Variants in CCNYL1 observed in about 807,000 individuals in gnomAD.
The protein encoded by CCNYL1 is cyclin Y like 1.
In CCNYL1, 16 loss-of-function variants were observed where a neutral mutation model predicts 44.2. The observed-to-expected ratio is 0.36, with a 90% CI of 0.25 to 0.55. The LOEUF (loss-of-function observed/expected upper bound fraction) is 0.55. CCNYL1 is among the 20% of genes least tolerant of loss of function. The pLI, the probability that CCNYL1 is intolerant of heterozygous loss-of-function variation, is 0.85. For synonymous variants in CCNYL1, 159 were observed against 163.2 expected, an observed-to-expected ratio of 0.97 and a Z score of 0.20; for missense variants, 348 against 451.8, an observed-to-expected ratio of 0.77 and a Z score of 2.08.
intron 1 of CCNYL1, among the ~76,000 whole-genome samples, chr2:207,718,269 G>C (rs192102518): frequency 1.2e-4 from 18 of 152,278 alleles, no homozygotes; most frequent in Admixed American, 3.3e-4. Context: ...AGCAGTTTGG[G>C]AAGCAGAGGC....
intron 1 of CCNYL1, chr2:207,714,444 G>A: frequency 2.6e-6 from 1 of 378,690 alleles, no homozygotes; most frequent in Non-Finnish European, 5.1e-6. Context: ...CCACGGGCGT[G>A]TGCCATCTTG....
intron 3 of CCNYL1, among the ~76,000 whole-genome samples, chr2:207,729,654 C>G (rs1206687754): frequency 6.6e-6 from 1 of 151,792 alleles, no homozygotes; most frequent in East Asian, 1.9e-4. Flanking sequence ...TTTTTATCTC[C>G]TTTCCTTTCC....
At position 207,734,603 on chromosome 2, in the gene CCNYL1, A is replaced by G. The variant is rs565528359; in HGVS notation, c.431+556A>G. On this transcript the variant is annotated intron_variant, in intron 4 of 9. Coordinates refer to ENST00000295414, the MANE Select transcript of CCNYL1 (RefSeq NM_001330218.2). ...ACCAACAACAACAGCAAACAACTCC[A>G]TTGGGGTTGTCAGGAAACTATTAAC... Among the ~76,000 whole-genome samples the G allele has an allele frequency of 1.4e-4, 22 of 152,334 alleles. 1 individual carries two copies. In the South Asian group the frequency reaches 4.6e-3, roughly 32 times the overall value.
intron 8 of CCNYL1, among the ~76,000 whole-genome samples, chr2:207,748,447 G>T (rs1477805345): frequency 6.6e-6 from 1 of 152,184 alleles, no homozygotes; most frequent in Non-Finnish European, 1.5e-5. Flanking sequence ...TTCCAGGCTG[G>T]CCTCGTGTCG....
chr2:207,718,363 C>T (rs2091613434), intron 1 of CCNYL1, among the ~76,000 whole-genome samples: 1 of 152,026 alleles, frequency 6.6e-6, no homozygotes, highest in South Asian at 2.1e-4. Context: ...AGTAAATTAG[C>T]CAGGTGTGGT....
intron 3 of CCNYL1, among the ~76,000 whole-genome samples, chr2:207,731,985 T>C (rs1309744178): frequency 6.6e-6 from 1 of 152,076 alleles, no homozygotes; most frequent in East Asian, 1.9e-4. Flanking sequence ...AATTTTTGTA[T>C]TTTTAGTAGA....
At chr2:207,749,238 T>C (rs1379898199) in intron 8 of CCNYL1, among the ~76,000 whole-genome samples, 5 of 152,246 alleles carry the variant, frequency 3.3e-5, no homozygotes, top group Admixed American at 3.3e-4. Context: ...TTATGATCTT[T>C]GGAAAGCATT....
intron 9 of CCNYL1, among the ~76,000 whole-genome samples, chr2:207,751,593 G>A (rs531353033): frequency 5.3e-5 from 8 of 152,224 alleles, no homozygotes; most frequent in African/African-American, 1.4e-4. Flanking sequence ...GGTGGCTTAC[G>A]CCTGTAAGCC....
intron 1 of CCNYL1, among the ~76,000 whole-genome samples, chr2:207,718,395 C>G (rs1175188354): frequency 6.6e-6 from 1 of 151,882 alleles, no homozygotes; most frequent in Non-Finnish European, 1.5e-5. Context: ...ATAGTCCCAG[C>G]TACTCAAGAA....
Position 207,742,295 on chromosome 2 carries a change from C to G in CCNYL1, c.592C>G (p.Leu198Val). The change falls in exon 7 of 10, where the codon CTT becomes GTT. Residue 198 changes from leucine (L) to valine (V), a missense_variant. Leu to Val is a conservative substitution (Grantham distance 32). Around this residue, in one of 3 missense-constraint regions of CCNYL1, gnomAD observed 45 missense variants for 101.7 expected, o/e 0.44. Coordinates refer to ENST00000295414, the MANE Select transcript of CCNYL1 (RefSeq NM_001330218.2). ...HKFIYRFVRTLFSAAQLTAEC... is the reference protein window; with the variant it reads ...HKFIYRFVRTVFSAAQLTAEC... ...ATTTATTTACAGATTTGTTCGTACT[C>G]TTTTTAGTGCTGCACAGCTAACAGC... The G allele has an allele frequency of 6.2e-7, 1 of 1,613,372 alleles. No homozygotes were observed. The highest frequency in any genetic ancestry group is 8.5e-7 in the Non-Finnish European group (1 of 1,179,814).
At chr2:207,713,944 G>A (rs1445921645) in intron 1 of CCNYL1, among the ~76,000 whole-genome samples, 1 of 152,176 alleles carries the variant, frequency 6.6e-6, no homozygotes, top group African/African-American at 2.4e-5. Flanking sequence ...TGGGTGGGTG[G>A]TGTTGGGTGA....
chr2:207,742,396 G>C, intron 7 of CCNYL1, 54 bp downstream of exon 7: 2 of 1,482,260 alleles, frequency 1.3e-6, no homozygotes, highest in South Asian at 2.7e-5. Context: ...TGTACACAGG[G>C]TATGGTCCTA....
At chr2:207,753,477 C>G in intron 9 of CCNYL1, 111 bp from the exon 10 acceptor site, 1 of 665,082 alleles carries the variant, frequency 1.5e-6, no homozygotes, top group Non-Finnish European at 2.6e-6. Flanking sequence ...GTAGCTGTAA[C>G]TGTGAACTAT....
chr2:207,748,461 G>A (rs905651760), intron 8 of CCNYL1, among the ~76,000 whole-genome samples: 2 of 152,194 alleles, frequency 1.3e-5, no homozygotes, highest in African/African-American at 2.4e-5. Context: ...CGTGTCGGCC[G>A]TGAAGGGAAG....
chr2:207,719,926 C>T (rs2091627173), intron 1 of CCNYL1, among the ~76,000 whole-genome samples: 3 of 151,984 alleles, frequency 2.0e-5, no homozygotes, highest in Admixed American at 6.6e-5. Flanking sequence ...GGTGGTGGCT[C>T]ATGCCTGTAC....
intron 8 of CCNYL1, chr2:207,750,607 T>C (rs1017663169): frequency 5.2e-5 from 9 of 171,640 alleles, no homozygotes; most frequent in Non-Finnish European, 1.1e-4. Context: ...ATAAACAGCA[T>C]ACATCATTCC....
chr2:207,712,658 A>G (rs2091560299), intron 1 of CCNYL1, among the ~76,000 whole-genome samples: 3 of 152,216 alleles, frequency 2.0e-5, no homozygotes, highest in African/African-American at 2.4e-5. Flanking sequence ...AGAGGTTGCC[A>G]TAGGAGACAC....
chr2:207,737,577 T>C (rs1162073056), intron 5 of CCNYL1, 131 bp downstream of exon 5: 8 of 609,974 alleles, frequency 1.3e-5, no homozygotes, highest in Non-Finnish European at 2.2e-5. Flanking sequence ...GAATCATTTG[T>C]GGTTTTTCTG....
chr2:207,723,560 G>T (rs1006193895), intron 1 of CCNYL1, among the ~76,000 whole-genome samples: 3 of 152,028 alleles, frequency 2.0e-5, no homozygotes, highest in Non-Finnish European at 4.4e-5. Flanking sequence ...TTACAAGATT[G>T]GTTAAGATAA....
Sources: allele counts gnomAD v4.1 joint callset (sites outside exome capture counted in the v4.1 genomes callset), GRCh38; gene constraint gnomAD v4.1.1; regional missense constraint gnomAD v4.1.1; transcripts MANE v1.5; gene names NCBI Gene and HGNC (gene_info 2026-07-23, HGNC 2026-07-21).